The following TAF5L variants were observed in gnomAD, a reference collection of about 807,000 sequenced individuals.
The protein encoded by TAF5L is TAF5-like RNA polymerase II p300/CBP-associated factor-associated factor 65 kDa subunit 5L.
A neutral mutation model predicts 51.3 loss-of-function variants in TAF5L; 7 were observed. The observed-to-expected ratio is 0.14, with a 90% confidence interval of 0.08 to 0.26. The LOEUF is 0.26. TAF5L is among the 10% of genes least tolerant of loss of function. The pLI is 1.00. For missense variants in TAF5L, 575 were observed against 758.9 expected, an observed-to-expected ratio of 0.76 and a Z score of 2.85; for synonymous variants, 291 against 308.1, an observed-to-expected ratio of 0.94 and a Z score of 0.58.
Position 229,598,630 on chromosome 1 carries a change from T to C in TAF5L, c.973-3536A>G, listed in dbSNP as rs893110709. Among the ~76,000 whole-genome samples the C allele has an allele frequency of 7.2e-5, 11 of 151,914 alleles. 1 individual carries two copies. In the South Asian group the frequency reaches 1.7e-3, roughly 23 times the overall value. The stretch of plus-strand genomic sequence containing the variant: ...GTTTGGTATCTCTGTGGTTTTGCCA[T>C]GTTGCTCAAATATTAAAAATACATA... On this transcript the variant is annotated intron_variant, in intron 4 of 4. Transcript: ENST00000258281.
In TAF5L at chr1:229,602,114, C is replaced by G; in HGVS notation, c.972+81G>C. ...GATGAGGGAAACTAGGAAGTCCATT[C>G]TAAGATATGTCGTGTTTGGTAAGGA... is the stretch of plus-strand genomic sequence containing the variant. On this transcript the variant is annotated intron_variant, in intron 4 of 4. Transcript: ENST00000258281. The surrounding 1 kb of genome is among the most constrained non-coding windows in gnomAD (Gnocchi z 4.6). The G allele has an allele frequency of 1.3e-6, 2 of 1,539,604 alleles. No homozygotes were observed. Among genetic ancestry groups the G allele is most frequent in the South Asian group, 2.6e-5 (2 of 76,908 alleles).
At chr1:229,615,634 C>T (rs1187770865) in intron 1 of TAF5L, among the ~76,000 whole-genome samples, 2 of 151,636 alleles carry the variant, frequency 1.3e-5, no homozygotes, top group Non-Finnish European at 2.9e-5. Context: ...AAAAAAGAGG[C>T]ACTGTTTCCT....
rs1027763047 is a variant in TAF5L, at chr1:229,600,666, A to C, written c.972+1529T>G. The stretch of plus-strand genomic sequence containing the variant: ...CCCTCTCCTAACTCCAGCCATACTT[A>C]ATTTCTTTCAGTTCCTGGAATTCCG... On this transcript the variant is annotated intron_variant, in intron 4 of 4. Coordinates refer to ENST00000258281, the Ensembl canonical transcript of TAF5L. 2.5e-5 allele frequency: 25 copies of C among 985,340 alleles called. No individual in the cohort carries two copies. The African/African-American group carries it at 4.0e-4, about 16-fold the overall frequency. 61.0% of individuals were successfully genotyped at this position (985,340 alleles called of 1,614,324 possible).
chr1:229,608,200 T>C (rs1409801021), intron 3 of TAF5L, among the ~76,000 whole-genome samples: 2 of 152,326 alleles, frequency 1.3e-5, no homozygotes, highest in South Asian at 2.1e-4. Flanking sequence ...AATCTATATT[T>C]ACTATAGTCT....
At chr1:229,620,122 C>T (rs1665151315) in intron 1 of TAF5L, among the ~76,000 whole-genome samples, 2 of 152,036 alleles carry the variant, frequency 1.3e-5, no homozygotes, top group South Asian at 4.1e-4. Flanking sequence ...AACTCCTATT[C>T]TAAATGGGAA....
Position 229,610,241 on chromosome 1 carries a change from G to A in TAF5L, c.143-31C>T, listed in dbSNP as rs180995432. ...GAGGAGAAGATACACAAGTCAGGGC[G>A]GGAAACAGAGAGACGATTATTAACC... On this transcript the variant is annotated intron_variant, in intron 2 of 4. Coordinates refer to ENST00000258281, the Ensembl canonical transcript of TAF5L. The A allele has an allele frequency of 1.6e-3, 2,574 of 1,601,420 alleles. 2 individuals are homozygous for A. The highest frequency in any genetic ancestry group is 2.0e-3 in the Non-Finnish European group (2,307 of 1,168,718).
At chr1:229,604,145 T>C (rs575982803) in intron 3 of TAF5L, among the ~76,000 whole-genome samples, 1 of 151,656 alleles carries the variant, frequency 6.6e-6, no homozygotes, top group Admixed American at 6.6e-5. Context: ...ATAAAAATGT[T>C]TTAAGTCAGC....
rs1429293585 is a variant in TAF5L, at chr1:229,614,503, A to AC, written c.-3-19dup. The AC allele has an allele frequency of 7.4e-6, 12 of 1,613,440 alleles. No homozygotes were observed. In the African/African-American group the frequency reaches 1.5e-4, roughly 20 times the overall value. On this transcript the variant is annotated intron_variant, in intron 1 of 4. Transcript: ENST00000258281. ...TTCATGACCTTCAAGGGAGGCAACGACAGGATACAGAGACATCAGGGGCCT... is the reference window on the plus strand; with the variant it reads ...TTCATGACCTTCAAGGGAGGCAACGACCAGGATACAGAGACATCAGGGGCCT...
At chr1:229,600,024 T>G (rs969378057) in intron 4 of TAF5L, 11 of 985,172 alleles carry the variant, frequency 1.1e-5, no homozygotes, top group Non-Finnish European at 3.6e-6. Context: ...AGTTTGTGGC[T>G]CCTGTATTAA....
intron 1 of TAF5L, among the ~76,000 whole-genome samples, chr1:229,615,532 G>A (rs528646795): frequency 3.4e-4 from 51 of 151,904 alleles, no homozygotes; most frequent in Non-Finnish European, 6.9e-4. Context: ...GAAAGTGGTA[G>A]GAAGTGACCT....
At chr1:229,598,555 T>C (rs908869584) in intron 4 of TAF5L, among the ~76,000 whole-genome samples, 1 of 152,110 alleles carries the variant, frequency 6.6e-6, no homozygotes, top group Non-Finnish European at 1.5e-5. Flanking sequence ...CTGGTAGTGA[T>C]AAGGGTAGCT....
intron 1 of TAF5L, among the ~76,000 whole-genome samples, chr1:229,616,137 C>A (rs1025809435): frequency 1.3e-5 from 2 of 152,084 alleles, no homozygotes; most frequent in East Asian, 3.9e-4. Flanking sequence ...CCTTAGACTC[C>A]CGAGTAGCTG....
At chr1:229,610,162 T>C (rs1049708948) in exon 3 of TAF5L, 2 of 1,614,074 alleles carry the variant, frequency 1.2e-6, no homozygotes, top group Non-Finnish European at 1.7e-6. Context: ...GGGTTCTGCC[T>C]GGCAAGGGGC....
rs1291032433 is a variant in TAF5L at position 229,618,510 on chromosome 1, A to G, written c.-3-4025T>C. On this transcript the variant is annotated intron_variant, in intron 1 of 4. Coordinates refer to ENST00000258281, the Ensembl canonical transcript of TAF5L. ...TTTCTGGAGGATTTTGACACAATGTATATCTATTCTCATGTATCAACAGTT... is the reference window on the plus strand; with the variant it reads ...TTTCTGGAGGATTTTGACACAATGTGTATCTATTCTCATGTATCAACAGTT... 2.0e-5 allele frequency among the ~76,000 whole-genome samples: 3 copies of G among 152,216 alleles called. No homozygotes were observed. The East Asian group carries it at 5.8e-4, about 29-fold the overall frequency.
At chr1:229,613,329 C>CAAAAAAAAAA (rs567436350) in intron 2 of TAF5L, among the ~76,000 whole-genome samples, 3 of 84,562 alleles carry the variant, frequency 3.5e-5, no homozygotes, top group Admixed American at 1.2e-4. Context: ...GACTCTGTCT[C>CAAAAAAAAAA]AAAAAAAAAA....
intron 3 of TAF5L, among the ~76,000 whole-genome samples, chr1:229,608,606 A>C (rs1446941207): frequency 6.6e-6 from 1 of 152,220 alleles, no homozygotes; most frequent in African/African-American, 2.4e-5. Context: ...AATTTAACTC[A>C]GTTTTTAGAA....
In TAF5L at chr1:229,617,274, T is replaced by C. The variant is rs1047537555; in HGVS notation, c.-3-2789A>G. ...CCCTGCAGATTCTGGTTGTGTTATA[T>C]TTAGAGTAAAAAAGTTAAATGCACA... On this transcript the variant is annotated intron_variant, in intron 1 of 4. Coordinates refer to ENST00000258281, the Ensembl canonical transcript of TAF5L. 6.6e-5 allele frequency among the ~76,000 whole-genome samples: 10 copies of C among 152,334 alleles called. No individual in the cohort carries two copies. The East Asian group carries it at 1.5e-3, about 23-fold the overall frequency.
At chr1:229,619,342 C>T (rs566439089) in intron 1 of TAF5L, among the ~76,000 whole-genome samples, 2 of 152,310 alleles carry the variant, frequency 1.3e-5, no homozygotes, top group South Asian at 2.1e-4. Context: ...AATCTTTGCT[C>T]AGACTGACAT....
chr1:229,606,630 C>G (rs1418463321), intron 3 of TAF5L: 1 of 985,290 alleles, frequency 1.0e-6, no homozygotes, highest in African/African-American at 1.7e-5. Context: ...TCGTCACTCC[C>G]TTTTTGGTTC....
Sources: gnomAD v4.1 joint callset for allele counts (sites outside exome capture counted in the v4.1 genomes callset) on GRCh38, gnomAD v4.1.1 for gene constraint, Gnocchi (gnomAD v3.1) non-coding constraint, MANE v1.5 for transcripts, NCBI Gene and HGNC (gene_info 2026-07-23, HGNC 2026-07-21) for gene names.